Variants in SLC37A3 observed in about 807,000 individuals in gnomAD.
SLC37A3 encodes the protein sugar phosphate exchanger 3.
A neutral mutation model predicts 67.1 loss-of-function variants in SLC37A3; 51 were observed. That is an observed-to-expected ratio of 0.76 (90% CI 0.61 to 0.96). The LOEUF (loss-of-function observed/expected upper bound fraction) is 0.96. SLC37A3 is among the 40% of genes least tolerant of loss of function. The pLI is 0.00. For missense variants in SLC37A3, 508 were observed against 603.0 expected (o/e 0.84, Z 1.65); for synonymous variants, 214 against 231.4 (o/e 0.92, Z 0.68).
At chr7:140,353,166 T>A (rs1360792642) in intron 7 of SLC37A3, among the ~76,000 whole-genome samples, 1 of 152,008 alleles carries the variant, frequency 6.6e-6, no homozygotes. Context: ...TATATTCACA[T>A]GATTCAAGCA....
intron 3 of SLC37A3, among the ~76,000 whole-genome samples, chr7:140,371,370 C>T (rs1400673562): frequency 6.6e-6 from 1 of 152,058 alleles, no homozygotes; most frequent in South Asian, 2.1e-4. Flanking sequence ...GACGGGGTTT[C>T]GCCATGTTGG....
chr7:140,364,829 AT>A (rs1797536351), intron 4 of SLC37A3, among the ~76,000 whole-genome samples: 1 of 152,274 alleles, frequency 6.6e-6, no homozygotes. Flanking sequence ...CTGGAAAAAA[AT>A]AAATAAATAA....
chr7:140,335,833 T>G (rs185031276), intron 14 of SLC37A3, among the ~76,000 whole-genome samples: 1 of 152,362 alleles, frequency 6.6e-6, no homozygotes, highest in East Asian at 1.9e-4. Flanking sequence ...GTTCCTAGTA[T>G]GATCACATCA....
intron 5 of SLC37A3, among the ~76,000 whole-genome samples, chr7:140,360,821 C>T (rs1797237507): frequency 6.6e-6 from 1 of 151,914 alleles, no homozygotes; most frequent in Non-Finnish European, 1.5e-5. Context: ...ACTCACAGTC[C>T]TCACTGCCAC....
chr7:140,343,654 T>C (rs1796446748), intron 12 of SLC37A3, 91 bp from the exon 13 acceptor site: 1 of 1,368,180 alleles, frequency 7.3e-7, no homozygotes, highest in African/African-American at 1.5e-5. Flanking sequence ...ATAGTTTTCT[T>C]AATATGTTGG....
At chr7:140,335,820 A>G (rs1796110620) in intron 14 of SLC37A3, among the ~76,000 whole-genome samples, 1 of 152,234 alleles carries the variant, frequency 6.6e-6, no homozygotes, top group Non-Finnish European at 1.5e-5. Flanking sequence ...TCTTTCTACT[A>G]CAGTTCCTAG....
chr7:140,334,631 T>C lies in SLC37A3; in HGVS notation c.*781A>G, dbSNP rs937918696. On this transcript the variant is annotated 3_prime_UTR_variant, in exon 15 of 15. Coordinates refer to ENST00000326232, the MANE Select transcript of SLC37A3 (RefSeq NM_207113.3). ...GTCGGAATGTTCAAGATAAATGATG[T>C]ACCTTATGGTCCTTTACACGTCAGA... The C allele has an allele frequency of 6.5e-5, 10 of 153,054 alleles. 1 individual carries two copies. Among genetic ancestry groups the C allele is most frequent in the African/African-American group, 2.4e-4 (10 of 41,448 alleles). The allele number at this position is 153,054 out of a possible 1,614,324, so 9.5% of individuals were successfully genotyped here. A position where few individuals can be genotyped will look rare whatever the true frequency, so the allele number is the denominator to read the frequency against.
At chr7:140,342,662 A>T (rs914896242) in intron 13 of SLC37A3, among the ~76,000 whole-genome samples, 1 of 136,656 alleles carries the variant, frequency 7.3e-6, no homozygotes, top group Non-Finnish European at 1.6e-5. Context: ...TGTCCCAGAG[A>T]AAGTTGAATT....
intron 13 of SLC37A3, among the ~76,000 whole-genome samples, chr7:140,342,463 G>C (rs760814424): frequency 5.9e-5 from 9 of 151,922 alleles, no homozygotes; most frequent in Non-Finnish European, 8.8e-5. Flanking sequence ...TTGACCACTG[G>C]GCATTCCCTG....
chr7:140,392,571 C>T (rs535521957), intron 1 of SLC37A3, among the ~76,000 whole-genome samples: 30 of 152,222 alleles, frequency 2.0e-4, no homozygotes, highest in African/African-American at 7.2e-4. Context: ...AAACCCTTTA[C>T]TGCCTTCCCA....
In SLC37A3 at chr7:140,348,382, A is replaced by G. The variant is rs950399963; in HGVS notation, c.1024+244T>C. 2.9e-5 allele frequency: 10 copies of G among 349,198 alleles called. No individual in the cohort carries two copies. In the Admixed American group the frequency reaches 3.9e-4, roughly 14 times the overall value. The allele number at this position is 349,198 out of a possible 1,614,324, so 21.6% of individuals were successfully genotyped here. A position where few individuals can be genotyped will look rare whatever the true frequency, so the allele number is the denominator to read the frequency against. ...TCCATCAACAAAGGACTAAGAAAAA[A>G]GAGTCCAATAAATCACAGCGCTGCC... On this transcript the variant is annotated intron_variant, in intron 10 of 14. Transcript: ENST00000326232.
chr7:140,391,245 C>A (rs1374579458), intron 1 of SLC37A3, among the ~76,000 whole-genome samples: 1 of 152,172 alleles, frequency 6.6e-6, no homozygotes, highest in East Asian at 1.9e-4. Flanking sequence ...CAATTAATAT[C>A]CCTCCAAAAT....
At chr7:140,346,110 T>C in intron 10 of SLC37A3, 140 bp from the exon 11 acceptor site, 1 of 644,216 alleles carries the variant, frequency 1.6e-6, no homozygotes, top group Non-Finnish European at 2.8e-6. Context: ...CCGGGCTCGG[T>C]GGCTCACACC....
chr7:140,358,932 A>G lies in SLC37A3; in HGVS notation c.376-147T>C, dbSNP rs1797149441. On this transcript the variant is annotated intron_variant, in intron 5 of 14. Coordinates refer to ENST00000326232, the MANE Select transcript of SLC37A3 (RefSeq NM_207113.3). ...CTGTAAGTCACGTGGCCAGCATCAC[A>G]AAGGTCCTGCTCAGAGCCACAGTGA... The G allele has an allele frequency of 4.0e-6, 4 of 1,005,502 alleles. No homozygotes were observed. In the South Asian group the frequency reaches 6.0e-5, roughly 15 times the overall value. 62.3% of individuals were successfully genotyped at this position (1,005,502 alleles called of 1,614,324 possible). A position where few individuals can be genotyped will look rare whatever the true frequency, so the allele number is the denominator to read the frequency against.
At chr7:140,368,452 A>C (rs1457093574) in intron 4 of SLC37A3, among the ~76,000 whole-genome samples, 1 of 152,156 alleles carries the variant, frequency 6.6e-6, no homozygotes, top group Non-Finnish European at 1.5e-5. Context: ...CTGCAATCCC[A>C]GCTACTCAGG....
intron 1 of SLC37A3, among the ~76,000 whole-genome samples, chr7:140,389,126 C>T (rs1798624381): frequency 6.6e-6 from 1 of 152,152 alleles, no homozygotes; most frequent in South Asian, 2.1e-4. Context: ...GACACTGAAA[C>T]AAAACTGATA....
Position 140,335,037 on chromosome 7 carries a change from T to C in SLC37A3, c.*375A>G, listed in dbSNP as rs888553388. 1 of 579,424 alleles carries C rather than the reference T, an allele frequency of 1.7e-6. No individual in the cohort carries two copies. The highest frequency in any genetic ancestry group is 1.9e-5 in the African/African-American group (1 of 53,502). The allele number at this position is 579,424 out of a possible 1,614,324, so 35.9% of individuals were successfully genotyped here. On this transcript the variant is annotated 3_prime_UTR_variant, in exon 15 of 15. Coordinates refer to ENST00000326232, the MANE Select transcript of SLC37A3 (RefSeq NM_207113.3). The stretch of plus-strand genomic sequence containing the variant: ...CCACCAACACAAACCACGCGTGGCT[T>C]TGCCTCCTGTTCACTCCATTTTCAA...
At chr7:140,358,454 T>G (rs907999623) in intron 6 of SLC37A3, among the ~76,000 whole-genome samples, 186 bp downstream of exon 6, 1 of 152,076 alleles carries the variant, frequency 6.6e-6, no homozygotes, top group African/African-American at 2.4e-5. Context: ...GCTGGATGAC[T>G]TCTAAGGTCC....
intron 9 of SLC37A3, among the ~76,000 whole-genome samples, chr7:140,349,279 G>A (rs909098630): frequency 6.6e-6 from 1 of 152,200 alleles, no homozygotes; most frequent in East Asian, 1.9e-4. Context: ...CTACACTACA[G>A]TTCCACGGTC....
Sources: allele counts gnomAD v4.1 joint callset (sites outside exome capture counted in the v4.1 genomes callset), GRCh38; gene constraint gnomAD v4.1.1; transcripts MANE v1.5; gene names NCBI Gene and HGNC (gene_info 2026-07-23, HGNC 2026-07-21).